The following BBS9 variants were observed in gnomAD, a reference collection of about 807,000 sequenced individuals.
BBS9 encodes the protein Bardet-Biedl syndrome 9.
In BBS9, 89 loss-of-function variants were observed where a neutral mutation model predicts 117.7. The ratio of observed to expected loss-of-function variants is 0.76; its 90% CI spans 0.64 to 0.90. The LOEUF (loss-of-function observed/expected upper bound fraction) is 0.90. Among genes scored for constraint, BBS9 ranks in the 40% least tolerant of loss-of-function variants. BBS9 has a pLI of 0.00. For synonymous variants in BBS9, 379 were observed against 370.9 expected (o/e 1.02, Z -0.25); for missense variants, 982 against 1,042.2 (o/e 0.94, Z 0.80).
intron 5 of BBS9, among the ~76,000 whole-genome samples, chr7:33,179,314 A>G (rs970774423): frequency 6.6e-6 from 1 of 152,214 alleles, no homozygotes; most frequent in Non-Finnish European, 1.5e-5. Context: ...CCCAAGCTAC[A>G]GATGTGTAGT....
At chr7:33,533,663 G>A (rs142815572) in intron 20 of BBS9, 1 of 459,444 alleles carries the variant, frequency 2.2e-6, no homozygotes, top group Non-Finnish European at 4.0e-6. Flanking sequence ...TCTATGCCTG[G>A]CTCAGAGCTA....
chr7:33,574,684 AACACACAC>A (rs371229936), intron 21 of BBS9, among the ~76,000 whole-genome samples: 25 of 137,646 alleles, frequency 1.8e-4, no homozygotes, highest in Admixed American at 6.0e-4. Flanking sequence ...AGTCATAGAA[AACACACAC>A]ACACACACAC....
intron 19 of BBS9, among the ~76,000 whole-genome samples, chr7:33,408,362 A>G (rs927842063): frequency 1.3e-5 from 2 of 152,140 alleles, no homozygotes; most frequent in African/African-American, 4.8e-5. Flanking sequence ...TGACCAGGAA[A>G]GGGAACTCCC....
At chr7:33,556,884 G>A (rs540785364) in intron 21 of BBS9, among the ~76,000 whole-genome samples, 6 of 152,322 alleles carry the variant, frequency 3.9e-5, no homozygotes, top group African/African-American at 1.4e-4. Flanking sequence ...TGAGTAATAA[G>A]AAGTACAAGC....
At chr7:33,627,079 C>T (rs773175666) in intron 21 of BBS9, among the ~76,000 whole-genome samples, 13 of 152,204 alleles carry the variant, frequency 8.5e-5, no homozygotes, top group Admixed American at 4.6e-4. Flanking sequence ...ATCATAGGCC[C>T]GGAGGGTTAG....
chr7:33,285,509 G>C (rs1562937975), intron 9 of BBS9, among the ~76,000 whole-genome samples: 1 of 152,032 alleles, frequency 6.6e-6, no homozygotes, highest in Non-Finnish European at 1.5e-5. Flanking sequence ...AGGATTTTGG[G>C]GGTAAAATTA....
chr7:33,369,659 T>C (rs1490067640), intron 17 of BBS9, among the ~76,000 whole-genome samples: 1 of 152,188 alleles, frequency 6.6e-6, no homozygotes, highest in Non-Finnish European at 1.5e-5. Flanking sequence ...ACCTAGGAGA[T>C]GCCTATGGTG....
chr7:33,370,769 T>C (rs1293851422), intron 17 of BBS9, among the ~76,000 whole-genome samples: 2 of 152,206 alleles, frequency 1.3e-5, no homozygotes, highest in African/African-American at 4.8e-5. Context: ...GCTAGCTCTC[T>C]CTCCCCAGTC....
At chr7:33,151,542 G>T (rs1313935026) in intron 2 of BBS9, among the ~76,000 whole-genome samples, 1 of 148,510 alleles carries the variant, frequency 6.7e-6, no homozygotes, top group African/African-American at 2.4e-5. Flanking sequence ...CTCTCATAGG[G>T]TTATTATGAG....
intron 2 of BBS9, 103 bp from the exon 3 acceptor site, chr7:33,152,598 T>C: frequency 8.7e-7 from 1 of 1,155,872 alleles, no homozygotes. Flanking sequence ...CTGAATTCTT[T>C]TAATTTTTAG....
intron 4 of BBS9, among the ~76,000 whole-genome samples, chr7:33,165,832 T>C (rs1795595023): frequency 1.3e-5 from 2 of 152,294 alleles, no homozygotes; most frequent in South Asian, 4.1e-4. Context: ...GAAGCCTACT[T>C]CTGTCAGCTC....
At chr7:33,149,817 T>A (rs548793193) in intron 2 of BBS9, among the ~76,000 whole-genome samples, 3 of 152,342 alleles carry the variant, frequency 2.0e-5, no homozygotes, top group Non-Finnish European at 4.4e-5. Context: ...GTCGTACATA[T>A]ACATTTTGTT....
At chr7:33,540,363 A>AG (rs1852090483) in intron 21 of BBS9, among the ~76,000 whole-genome samples, 1 of 152,240 alleles carries the variant, frequency 6.6e-6, no homozygotes, top group Non-Finnish European at 1.5e-5. Flanking sequence ...ATATGGAAGC[A>AG]GGATAGGCCT....
chr7:33,292,320 C>G (rs916762159), intron 9 of BBS9, among the ~76,000 whole-genome samples: 1 of 152,082 alleles, frequency 6.6e-6, no homozygotes, highest in African/African-American at 2.4e-5. Context: ...CTCTGCCTCC[C>G]AGGCTCAAGT....
intron 5 of BBS9, among the ~76,000 whole-genome samples, chr7:33,256,705 A>G (rs918503372): frequency 1.3e-5 from 2 of 152,166 alleles, no homozygotes; most frequent in Non-Finnish European, 1.5e-5. Flanking sequence ...TATATGGTGT[A>G]TGAGCTAGAG....
At position 33,367,683 on chromosome 7, in the gene BBS9, G is replaced by A. The variant is rs17170205; in HGVS notation, c.1694-84G>A. 9.2e-3 allele frequency: 9,774 copies of A among 1,061,322 alleles called. 379 individuals are homozygous for A. The African/African-American group carries it at 0.097, about 11-fold the overall frequency. 65.7% of individuals were successfully genotyped at this position (1,061,322 alleles called of 1,614,324 possible). On this transcript the variant is annotated intron_variant, in intron 16 of 22. Transcript: ENST00000242067. ...ACATGACTAGTGACATAAAAAACACGCATCATTCAACTAAGGTTCCTATTT... is the reference window on the plus strand; with the variant it reads ...ACATGACTAGTGACATAAAAAACACACATCATTCAACTAAGGTTCCTATTT...
At chr7:33,352,825 C>T (rs189204616) in intron 14 of BBS9, 34 bp from the exon 15 acceptor site, 1 of 1,608,988 alleles carries the variant, frequency 6.2e-7, no homozygotes, top group African/African-American at 1.3e-5. Flanking sequence ...CTTCTTTTCC[C>T]CCTACCCATT....
At chr7:33,477,240 A>G (rs1031848319) in intron 19 of BBS9, among the ~76,000 whole-genome samples, 1 of 152,230 alleles carries the variant, frequency 6.6e-6, no homozygotes, top group African/African-American at 2.4e-5. Context: ...AATAAATATT[A>G]GCCATCATCG....
intron 21 of BBS9, among the ~76,000 whole-genome samples, chr7:33,552,825 G>C (rs974093134): frequency 1.3e-5 from 2 of 152,040 alleles, no homozygotes; most frequent in African/African-American, 4.8e-5. Flanking sequence ...TTGTCTTTCT[G>C]TTCTTTCTCA....
Sources: gnomAD v4.1 joint callset for allele counts (sites outside exome capture counted in the v4.1 genomes callset) on GRCh38, gnomAD v4.1.1 for gene constraint, MANE v1.5 for transcripts, NCBI Gene and HGNC (gene_info 2026-07-23, HGNC 2026-07-21) for gene names.